Variants in DLG2 observed in about 807,000 individuals in gnomAD.
The protein encoded by DLG2 is disks large homolog 2.
Under a neutral mutation model 132.5 loss-of-function variants are expected in DLG2, and 45 were observed. That is an observed-to-expected ratio of 0.34 (90% confidence interval 0.27 to 0.44). The LOEUF is 0.44. Ranked by LOEUF, DLG2 falls within the 20% of genes least tolerant of loss-of-function variation. DLG2 has a pLI of 1.00. For missense variants in DLG2, 1,045 were observed against 1,196.9 expected (o/e 0.87, Z 1.87); for synonymous variants, 424 against 419.6 (o/e 1.01, Z -0.13).
intron 8 of DLG2, among the ~76,000 whole-genome samples, chr11:84,196,923 G>T (rs995207966): frequency 1.3e-5 from 2 of 151,148 alleles, no homozygotes; most frequent in African/African-American, 4.9e-5. Context: ...TGTAATCCCA[G>T]CTACAAGGGA....
At chr11:83,884,572 G>A (rs547219319) in intron 15 of DLG2, among the ~76,000 whole-genome samples, 87 of 152,258 alleles carry the variant, frequency 5.7e-4, no homozygotes, top group African/African-American at 2.0e-3. Context: ...TGTCCCTGTC[G>A]GACAGCTTTG....
chr11:83,607,386 T>C (rs1042075407), intron 19 of DLG2, among the ~76,000 whole-genome samples: 4 of 152,218 alleles, frequency 2.6e-5, no homozygotes, highest in Non-Finnish European at 5.9e-5. Context: ...TCTCAGTTAA[T>C]GTATTCATGA....
At chr11:85,158,915 A>T (rs943262716) in intron 4 of DLG2, among the ~76,000 whole-genome samples, 3 of 152,242 alleles carry the variant, frequency 2.0e-5, no homozygotes, top group African/African-American at 7.2e-5. Context: ...TTATAAAAAC[A>T]GAATCATGGC....
chr11:84,299,659 CAATTGTTAT>C (rs756142660), intron 7 of DLG2, among the ~76,000 whole-genome samples: 2 of 152,046 alleles, frequency 1.3e-5, no homozygotes, highest in Non-Finnish European at 2.9e-5. Flanking sequence ...ATCTTAAAGT[CAATTGTTAT>C]ACTTGCGTTT....
chr11:84,554,276 A>G (rs1200714726), intron 6 of DLG2, among the ~76,000 whole-genome samples: 2 of 152,182 alleles, frequency 1.3e-5, no homozygotes, highest in East Asian at 1.9e-4. Context: ...TTTAACCCTA[A>G]AAATCATTAC....
At chr11:84,749,309 C>A (rs997281541) in intron 6 of DLG2, among the ~76,000 whole-genome samples, 4 of 152,114 alleles carry the variant, frequency 2.6e-5, no homozygotes, top group Non-Finnish European at 4.4e-5. Flanking sequence ...AAGGAACAGA[C>A]CTGATTATAA....
intron 6 of DLG2, among the ~76,000 whole-genome samples, chr11:84,994,939 T>C (rs756182797): frequency 2.6e-5 from 4 of 152,144 alleles, no homozygotes; most frequent in Non-Finnish European, 4.4e-5. Context: ...TCTGGAGTCT[T>C]GGGGTGTGTG....
chr11:84,220,061 T>C (rs2096892626), intron 8 of DLG2, among the ~76,000 whole-genome samples: 1 of 152,190 alleles, frequency 6.6e-6, no homozygotes, highest in East Asian at 1.9e-4. Flanking sequence ...AAAATGTCCC[T>C]GACATAGCTG....
chr11:85,221,687 T>G (rs535228208), intron 4 of DLG2, among the ~76,000 whole-genome samples: 1 of 152,278 alleles, frequency 6.6e-6, no homozygotes, highest in Admixed American at 6.5e-5. Context: ...CACATCAACT[T>G]TATAAGAATT....
chr11:84,776,349 G>T (rs1228885010), intron 6 of DLG2, among the ~76,000 whole-genome samples: 1 of 151,944 alleles, frequency 6.6e-6, no homozygotes, highest in East Asian at 1.9e-4. Context: ...TACTGACAGG[G>T]TCTCCTTATG....
chr11:84,466,415 A>G (rs1345152805), intron 7 of DLG2, among the ~76,000 whole-genome samples: 1 of 151,368 alleles, frequency 6.6e-6, no homozygotes, highest in South Asian at 2.1e-4. Flanking sequence ...GATCACTTTA[A>G]TATAGAAAGA....
At chr11:84,595,182 G>T (rs1311573698) in intron 6 of DLG2, among the ~76,000 whole-genome samples, 6 of 152,054 alleles carry the variant, frequency 3.9e-5, no homozygotes, top group African/African-American at 1.4e-4. Flanking sequence ...TCTGTTCATT[G>T]TAACCTCCAC....
intron 6 of DLG2, among the ~76,000 whole-genome samples, chr11:84,562,745 CTTTCT>C (rs891374949): frequency 2.4e-4 from 36 of 150,850 alleles, no homozygotes; most frequent in African/African-American, 8.3e-4. Flanking sequence ...TTCTTTCTTT[CTTTCT>C]TTTTTTTTTT....
At chr11:84,039,137 T>A (rs1294594070) in intron 11 of DLG2, among the ~76,000 whole-genome samples, 1 of 152,090 alleles carries the variant, frequency 6.6e-6, no homozygotes, top group African/African-American at 2.4e-5. Flanking sequence ...TTTCAGTACA[T>A]TCATTTTATT....
intron 6 of DLG2, among the ~76,000 whole-genome samples, chr11:84,799,203 T>C (rs148518189): frequency 1.3e-5 from 2 of 152,292 alleles, no homozygotes; most frequent in East Asian, 3.9e-4. Context: ...GCACTTTATC[T>C]CATGGTGGCG....
intron 6 of DLG2, among the ~76,000 whole-genome samples, chr11:85,093,342 C>A (rs1031243925): frequency 6.6e-6 from 1 of 151,794 alleles, no homozygotes; most frequent in Non-Finnish European, 1.5e-5. Context: ...TGCATTTTCA[C>A]TTCTATAATC....
intron 6 of DLG2, among the ~76,000 whole-genome samples, chr11:84,929,685 G>A (rs2047874213): frequency 6.6e-6 from 1 of 152,106 alleles, no homozygotes; most frequent in African/African-American, 2.4e-5. Context: ...TTGCGTTATT[G>A]AAAACTTCAG....
intron 3 of DLG2, among the ~76,000 whole-genome samples, chr11:85,562,012 TTGAG>T (rs1392031209): frequency 6.6e-6 from 1 of 151,838 alleles, no homozygotes; most frequent in Non-Finnish European, 1.5e-5. Flanking sequence ...TATCTGCAGG[TTGAG>T]TTAGTGGCCA....
At chr11:84,213,265 T>G (rs1232384382) in intron 8 of DLG2, among the ~76,000 whole-genome samples, 1 of 152,160 alleles carries the variant, frequency 6.6e-6, no homozygotes, top group Non-Finnish European at 1.5e-5. Flanking sequence ...TATATCACTT[T>G]TCTCATTTTC....
Sources: gnomAD v4.1 joint callset for allele counts (sites outside exome capture counted in the v4.1 genomes callset) on GRCh38, gnomAD v4.1.1 for gene constraint, MANE v1.5 for transcripts, NCBI Gene and HGNC (gene_info 2026-07-23, HGNC 2026-07-21) for gene names.